Variants in CDK14 observed in about 807,000 individuals in gnomAD.
The protein encoded by CDK14 is cyclin-dependent kinase 14.
In CDK14, 34 loss-of-function variants were observed where a neutral mutation model predicts 60.7. That is an observed-to-expected ratio of 0.56 (90% CI 0.43 to 0.75). CDK14 has a LOEUF of 0.75. Among genes scored for constraint, CDK14 ranks in the 30% least tolerant of loss-of-function variants. The pLI is 0.00. For synonymous variants in CDK14, 197 were observed against 203.7 expected (o/e 0.97, Z 0.28); for missense variants, 482 against 564.1 (o/e 0.85, Z 1.47).
At chr7:90,845,999 CTT>C (rs1202182484) in intron 5 of CDK14, among the ~76,000 whole-genome samples, 1 of 151,990 alleles carries the variant, frequency 6.6e-6, no homozygotes, top group Non-Finnish European at 1.5e-5. Flanking sequence ...ACTCTCCTGT[CTT>C]TTTTTATATA....
chr7:90,658,316 C>T (rs1437972573), intron 2 of CDK14, among the ~76,000 whole-genome samples: 1 of 152,184 alleles, frequency 6.6e-6, no homozygotes, highest in East Asian at 1.9e-4. Flanking sequence ...CAGCATGGTT[C>T]TGGTGAGGGC....
In CDK14 at chr7:90,639,950, G is replaced by A. The variant is rs188394708; in HGVS notation, c.123+35701G>A. On this transcript the variant is annotated intron_variant, in intron 2 of 14. Transcript: ENST00000380050. ...GGTGCGGGATATAGTCTCCTGATGC[G>A]CCGGTTTTTAAGCCCGTAGGAAAAG... Among the ~76,000 whole-genome samples, 147 of 152,230 alleles carry A rather than the reference G, an allele frequency of 9.7e-4. 1 individual carries two copies. Among genetic ancestry groups the A allele is most frequent in the African/African-American group, 3.2e-3 (134 of 41,562 alleles).
chr7:90,962,544 C>T (rs1400502117), intron 9 of CDK14, among the ~76,000 whole-genome samples: 1 of 151,584 alleles, frequency 6.6e-6, no homozygotes, highest in Admixed American at 6.6e-5. Context: ...TGTTGTTTAT[C>T]GGTGTGTATG....
chr7:91,177,813 A>T (rs1236792812), intron 14 of CDK14, among the ~76,000 whole-genome samples: 4 of 143,444 alleles, frequency 2.8e-5, no homozygotes, highest in Admixed American at 7.1e-5. Context: ...ATAAAAGAGG[A>T]TACAAACAAA....
chr7:91,068,000 CTTAA>C (rs946284547), intron 11 of CDK14, among the ~76,000 whole-genome samples: 5 of 152,136 alleles, frequency 3.3e-5, no homozygotes, highest in African/African-American at 7.2e-5. Flanking sequence ...GGGCATTTGA[CTTAA>C]TTAATTTTTA....
intron 14 of CDK14, among the ~76,000 whole-genome samples, chr7:91,152,888 A>G (rs1453657840): frequency 6.6e-6 from 1 of 152,230 alleles, no homozygotes; most frequent in East Asian, 1.9e-4. Flanking sequence ...TAATAACTAT[A>G]TGCCCCACAG....
At chr7:90,704,450 T>G (rs1207803696) in intron 2 of CDK14, among the ~76,000 whole-genome samples, 1 of 152,178 alleles carries the variant, frequency 6.6e-6, no homozygotes, top group Non-Finnish European at 1.5e-5. Context: ...AAATGTGGCA[T>G]GTATGTGTGT....
chr7:90,675,996 CG>C (rs982442100), intron 2 of CDK14, among the ~76,000 whole-genome samples: 18 of 152,102 alleles, frequency 1.2e-4, no homozygotes, highest in Admixed American at 2.0e-4. Context: ...AGAAGGCAGT[CG>C]GGAGACCATC....
chr7:90,630,376 C>G (rs1414559814), intron 2 of CDK14, among the ~76,000 whole-genome samples: 1 of 152,084 alleles, frequency 6.6e-6, no homozygotes, highest in Non-Finnish European at 1.5e-5. Flanking sequence ...AGTTGTAACA[C>G]AATGGTAAGT....
intron 3 of CDK14, among the ~76,000 whole-genome samples, chr7:90,731,490 C>T (rs1802864544): frequency 6.6e-6 from 1 of 152,060 alleles, no homozygotes; most frequent in South Asian, 2.1e-4. Context: ...AATGTTTTTC[C>T]ATTTGTTTTT....
chr7:91,031,775 TAAG>T (rs1178401338), intron 10 of CDK14, among the ~76,000 whole-genome samples: 1 of 152,188 alleles, frequency 6.6e-6, no homozygotes, highest in East Asian at 1.9e-4. Context: ...CAGGATGAAA[TAAG>T]AATAAATCAC....
intron 6 of CDK14, among the ~76,000 whole-genome samples, chr7:90,893,950 A>G (rs1792217576): frequency 6.6e-6 from 1 of 152,208 alleles, no homozygotes; most frequent in Admixed American, 6.5e-5. Context: ...ATGTCTGGGC[A>G]TGCACATAGG....
intron 7 of CDK14, among the ~76,000 whole-genome samples, chr7:90,914,202 G>A (rs993120480): frequency 1.3e-5 from 2 of 152,114 alleles, no homozygotes; most frequent in African/African-American, 4.8e-5. Flanking sequence ...TGCTCAACTC[G>A]TTCCTTTTGA....
chr7:91,130,238 G>A (rs43003), intron 14 of CDK14, among the ~76,000 whole-genome samples: 151,365 of 152,312 alleles, frequency 0.99, 75,212 homozygotes, highest in Middle Eastern at 1. Context: ...GCCACTCATT[G>A]AAAAGATTTG....
At chr7:91,199,960 A>C (rs984628983) in intron 14 of CDK14, among the ~76,000 whole-genome samples, 1 of 152,208 alleles carries the variant, frequency 6.6e-6, no homozygotes, top group African/African-American at 2.4e-5. Context: ...CATAAATCAG[A>C]AATAAGTTAC....
intron 3 of CDK14, 49 bp from the exon 4 acceptor site, chr7:90,747,632 T>G (rs757720479): frequency 2.8e-6 from 3 of 1,061,736 alleles, no homozygotes; most frequent in Non-Finnish European, 2.8e-6. Flanking sequence ...TATTTGTTGT[T>G]AATTAATTTG....
chr7:90,702,494 G>GT, intron 2 of CDK14, among the ~76,000 whole-genome samples: 1 of 152,042 alleles, frequency 6.6e-6, no homozygotes, highest in East Asian at 1.9e-4. Flanking sequence ...TGCACACATG[G>GT]TTTTGGAATG....
intron 6 of CDK14, among the ~76,000 whole-genome samples, chr7:90,874,355 C>T (rs959506252): frequency 1.3e-5 from 2 of 151,978 alleles, no homozygotes; most frequent in Non-Finnish European, 2.9e-5. Flanking sequence ...TAAGATTGCT[C>T]CATTTTTCAG....
chr7:90,636,087 C>T (rs1257926097), intron 2 of CDK14, among the ~76,000 whole-genome samples: 1 of 149,666 alleles, frequency 6.7e-6, no homozygotes, highest in Non-Finnish European at 1.5e-5. Flanking sequence ...CAAACAGGGA[C>T]AATTTGACTT....
Sources: allele counts gnomAD v4.1 joint callset (sites outside exome capture counted in the v4.1 genomes callset), GRCh38; gene constraint gnomAD v4.1.1; transcripts MANE v1.5; gene names NCBI Gene and HGNC (gene_info 2026-07-23, HGNC 2026-07-21).